The following GLDC variants were observed in gnomAD, a reference collection of about 807,000 sequenced individuals.
The protein encoded by GLDC is glycine dehydrogenase (decarboxylating), mitochondrial.
GLDC carries 104 observed loss-of-function variants against 121.3 expected under a neutral mutation model. That is an observed-to-expected ratio of 0.86 (90% CI 0.73 to 1.01). The LOEUF (loss-of-function observed/expected upper bound fraction) is 1.01, where lower values mean the gene tolerates loss of function less well. GLDC is among the 50% of genes least tolerant of loss of function. The probability of loss-of-function intolerance (pLI) is 0.00; values close to 1 mark genes in which losing one functional copy is unlikely to be tolerated. For synonymous variants in GLDC, 546 were observed against 480.6 expected, an observed-to-expected ratio of 1.14 and a Z score of -1.78; for missense variants, 1,429 against 1,306.6, an observed-to-expected ratio of 1.09 and a Z score of -1.44.
intron 3 of GLDC, among the ~76,000 whole-genome samples, chr9:6,615,234 T>G (rs997410880): frequency 6.6e-6 from 1 of 152,204 alleles, no homozygotes; most frequent in Non-Finnish European, 1.5e-5. Flanking sequence ...TTTGAATTCA[T>G]AAGACATTCA....
In GLDC at chr9:6,610,361, A is replaced by T. The variant is rs1181931982; in HGVS notation, c.471-5T>A. ...TATGGAGTATACTGGGTGATCCTGCAAGGGAAACAAAAGGTCTTGTCCAAA... is the reference window on the plus strand; with the variant it reads ...TATGGAGTATACTGGGTGATCCTGCTAGGGAAACAAAAGGTCTTGTCCAAA... On this transcript the variant is annotated splice_polypyrimidine_tract_variant and splice_region_variant and intron_variant, in intron 3 of 24. Coordinates refer to ENST00000321612, the MANE Select transcript of GLDC (RefSeq NM_000170.3). 6.2e-7 allele frequency: 1 copy of T among 1,613,988 alleles called. No individual in the cohort carries two copies. The highest frequency in any genetic ancestry group is 8.5e-7 in the Non-Finnish European group (1 of 1,179,862).
chr9:6,606,716 G>A (rs1440773180), intron 4 of GLDC, 47 bp from the exon 5 acceptor site: 3 of 1,052,606 alleles, frequency 2.9e-6, no homozygotes, highest in Middle Eastern at 2.0e-4. Context: ...TAAATAAATA[G>A]GACTATCTTC....
intron 11 of GLDC, among the ~76,000 whole-genome samples, chr9:6,591,479 A>G (rs1818373367): frequency 6.6e-6 from 1 of 152,234 alleles, no homozygotes. Flanking sequence ...CACCTGACAC[A>G]TATTGGGTCC....
chr9:6,575,215 A>C (rs1170534249), intron 15 of GLDC, among the ~76,000 whole-genome samples: 1 of 128,684 alleles, frequency 7.8e-6, no homozygotes, highest in Non-Finnish European at 1.6e-5. Flanking sequence ...CAAAAGAAGC[A>C]AAAAAAAAAA....
chr9:6,575,333 G>A (rs570989306), intron 15 of GLDC, among the ~76,000 whole-genome samples: 1 of 152,260 alleles, frequency 6.6e-6, no homozygotes, highest in Admixed American at 6.5e-5. Context: ...AGTCTCCCCA[G>A]GTAATTCTAA....
At chr9:6,619,301 T>C (rs1819032522) in intron 3 of GLDC, among the ~76,000 whole-genome samples, 1 of 152,158 alleles carries the variant, frequency 6.6e-6, no homozygotes, top group Non-Finnish European at 1.5e-5. Context: ...ACATGTTCTC[T>C]TTCTCTAGAA....
At chr9:6,634,340 G>C (rs1407712078) in intron 2 of GLDC, among the ~76,000 whole-genome samples, 2 of 151,954 alleles carry the variant, frequency 1.3e-5, no homozygotes, top group Non-Finnish European at 2.9e-5. Flanking sequence ...ACCAGCCTGG[G>C]CAACATGGCG....
At chr9:6,580,509 G>A (rs887223796) in intron 15 of GLDC, among the ~76,000 whole-genome samples, 11 of 152,102 alleles carry the variant, frequency 7.2e-5, no homozygotes, top group African/African-American at 2.4e-4. Context: ...ATACCTTACC[G>A]TAAGCTGTCA....
At chr9:6,551,895 C>G (rs1405301375) in intron 20 of GLDC, among the ~76,000 whole-genome samples, 1 of 152,168 alleles carries the variant, frequency 6.6e-6, no homozygotes, top group Non-Finnish European at 1.5e-5. Flanking sequence ...ACCACTGGCT[C>G]TCAACCTATG....
chr9:6,634,972 C>A (rs1819471164), intron 2 of GLDC, among the ~76,000 whole-genome samples: 1 of 152,172 alleles, frequency 6.6e-6, no homozygotes, highest in African/African-American at 2.4e-5. Flanking sequence ...CTGAGCCCTC[C>A]ATATTGTGGC....
chr9:6,567,424 G>C (rs773333293), intron 15 of GLDC: 27 of 152,124 alleles, frequency 1.8e-4, no homozygotes, highest in Non-Finnish European at 3.5e-4. Context: ...GTGTAAAATG[G>C]GGATAGTAAC....
At chr9:6,576,074 G>C (rs1818058464) in intron 15 of GLDC, among the ~76,000 whole-genome samples, 1 of 152,176 alleles carries the variant, frequency 6.6e-6, no homozygotes, top group Non-Finnish European at 1.5e-5. Flanking sequence ...AAGGAACTAG[G>C]CAGACCAGTG....
chr9:6,539,370 G>A (rs557360040), intron 22 of GLDC, among the ~76,000 whole-genome samples: 15 of 152,142 alleles, frequency 9.9e-5, no homozygotes, highest in African/African-American at 3.4e-4. Context: ...TCCCAGCTAC[G>A]TGGGAGGCTG....
intron 15 of GLDC, among the ~76,000 whole-genome samples, chr9:6,579,515 T>G (rs1210037088): frequency 7.3e-6 from 1 of 137,850 alleles, no homozygotes; most frequent in Non-Finnish European, 1.6e-5. Context: ...TCCTGATTAT[T>G]TATTTGATAA....
intron 3 of GLDC, among the ~76,000 whole-genome samples, chr9:6,615,216 T>C (rs528567150): frequency 6.6e-6 from 1 of 152,204 alleles, no homozygotes; most frequent in Non-Finnish European, 1.5e-5. Context: ...TTAGCATCTG[T>C]AAGTTATTTT....
In GLDC at chr9:6,606,645, G is replaced by A. The variant is rs2228095; in HGVS notation, c.660C>T (p.Leu220=). The change falls in exon 5 of 25, where the codon CTC becomes CTT. Residue 220 remains leucine (L), a synonymous_variant. Transcript: ENST00000321612. ...CYRHNKRRKF[L]VDPRCHPQTI... ...TCTGTGGGTGGCAACGGGGATCAAC[G>A]AGAAATTTCCTCCTCTTGTTGTGTC... The A allele has an allele frequency of 0.014, 21,707 of 1,605,400 alleles. 2,090 individuals are homozygous for A. In the African/African-American group the frequency reaches 0.23, roughly 17 times the overall value.
intron 3 of GLDC, among the ~76,000 whole-genome samples, chr9:6,619,499 G>A (rs536704522): frequency 1.3e-5 from 2 of 151,994 alleles, no homozygotes; most frequent in Non-Finnish European, 2.9e-5. Context: ...AGGCTGAAGC[G>A]GGCGGATCAC....
intron 4 of GLDC, 82 bp downstream of exon 4, chr9:6,610,110 T>TTTG: frequency 9.3e-7 from 1 of 1,077,020 alleles, no homozygotes. Context: ...TAAAGTAATA[T>TTTG]TCACAATATA....
chr9:6,602,377 ATTTT>A (rs879833847), intron 7 of GLDC, among the ~76,000 whole-genome samples, 172 bp from the exon 8 acceptor site: 1 of 142,366 alleles, frequency 7.0e-6, no homozygotes, highest in Non-Finnish European at 1.5e-5. Context: ...ATGATTACTG[ATTTT>A]TTTTTTTTTT....
Sources: gnomAD v4.1 joint callset for allele counts (sites outside exome capture counted in the v4.1 genomes callset) on GRCh38, gnomAD v4.1.1 for gene constraint, MANE v1.5 for transcripts, NCBI Gene and HGNC (gene_info 2026-07-23, HGNC 2026-07-21) for gene names.